The following TMCC1 variants were observed in gnomAD, a reference collection of about 807,000 sequenced individuals.
The protein encoded by TMCC1 is transmembrane and coiled-coil domains protein 1.
A neutral mutation model predicts 52.4 loss-of-function variants in TMCC1; 15 were observed. That is an observed-to-expected ratio of 0.29 (90% confidence interval 0.19 to 0.44). TMCC1 has a LOEUF of 0.44. TMCC1 is among the 20% of genes least tolerant of loss of function. The probability of loss-of-function intolerance (pLI) is 1.00; values close to 1 mark genes in which losing one functional copy is unlikely to be tolerated. For missense variants in TMCC1, 503 were observed against 806.0 expected, an observed-to-expected ratio of 0.62 and a Z score of 4.55; for synonymous variants, 279 against 301.9, an observed-to-expected ratio of 0.92 and a Z score of 0.79.
chr3:129,668,612 T>C (rs1341176733), intron 5 of TMCC1, among the ~76,000 whole-genome samples: 1 of 152,216 alleles, frequency 6.6e-6, no homozygotes. Flanking sequence ...GTCTTCTCAG[T>C]ATACTTAAGA....
chr3:129,737,232 T>C (rs2051048812), intron 4 of TMCC1, among the ~76,000 whole-genome samples: 1 of 152,056 alleles, frequency 6.6e-6, no homozygotes. Flanking sequence ...TTTGGGAGGC[T>C]GAGGTGGGCG....
chr3:129,688,621 T>A (rs1185474208), intron 4 of TMCC1: 1 of 985,492 alleles, frequency 1.0e-6, no homozygotes, highest in African/African-American at 1.7e-5. Flanking sequence ...CTTAGAGCTT[T>A]CTATATCTGG....
intron 4 of TMCC1, among the ~76,000 whole-genome samples, chr3:129,686,345 G>A (rs1370372024): frequency 1.3e-5 from 2 of 151,958 alleles, no homozygotes; most frequent in Non-Finnish European, 2.9e-5. Context: ...CAGGTGATTC[G>A]CCCGCCTCGG....
chr3:129,687,689 A>C (rs1390063483), intron 4 of TMCC1, among the ~76,000 whole-genome samples: 1 of 152,254 alleles, frequency 6.6e-6, no homozygotes, highest in Non-Finnish European at 1.5e-5. Flanking sequence ...GATATCAAAC[A>C]GCAATGACAA....
chr3:129,772,823 A>G (rs1033721383), intron 4 of TMCC1, among the ~76,000 whole-genome samples: 1 of 152,172 alleles, frequency 6.6e-6, no homozygotes, highest in Non-Finnish European at 1.5e-5. Context: ...GAGAGATATA[A>G]ATTAAAATTA....
intron 2 of TMCC1, among the ~76,000 whole-genome samples, chr3:129,862,965 A>G (rs888208083): frequency 7.2e-5 from 11 of 152,194 alleles, no homozygotes; most frequent in South Asian, 4.1e-4. Flanking sequence ...TATTTTCTAT[A>G]GCTAAGATGT....
At chr3:129,823,807 C>T (rs2058536205) in intron 4 of TMCC1, among the ~76,000 whole-genome samples, 1 of 152,168 alleles carries the variant, frequency 6.6e-6, no homozygotes, top group Non-Finnish European at 1.5e-5. Context: ...TCCTCCTCTA[C>T]TCCTAAGATT....
chr3:129,869,173 A>T (rs2060799486), intron 2 of TMCC1: 1 of 151,966 alleles, frequency 6.6e-6, no homozygotes, highest in Admixed American at 6.6e-5. Context: ...CCACTCCTCA[A>T]CCTTTGGGGA....
At chr3:129,813,998 G>C (rs1023275659) in intron 4 of TMCC1, among the ~76,000 whole-genome samples, 1 of 113,470 alleles carries the variant, frequency 8.8e-6, no homozygotes, top group East Asian at 2.8e-4. Context: ...TTTTTTTTTT[G>C]TATAATAAAG....
chr3:129,733,568 T>C (rs1032138667), intron 4 of TMCC1, among the ~76,000 whole-genome samples: 12 of 152,120 alleles, frequency 7.9e-5, no homozygotes, highest in African/African-American at 2.9e-4. Context: ...ATTAAGAGAA[T>C]CATTGGAGGA....
intron 4 of TMCC1, among the ~76,000 whole-genome samples, chr3:129,823,967 T>A (rs1283324524): frequency 3.9e-5 from 6 of 152,208 alleles, no homozygotes; most frequent in Non-Finnish European, 7.3e-5. Context: ...GAGTGAACTC[T>A]ACTTTCCATT....
At chr3:129,756,317 C>T (rs1489905613) in intron 4 of TMCC1, among the ~76,000 whole-genome samples, 2 of 152,096 alleles carry the variant, frequency 1.3e-5, no homozygotes, top group Non-Finnish European at 2.9e-5. Flanking sequence ...GAATAGGTAA[C>T]TGAACTGTAA....
Position 129,688,084 on chromosome 3 carries a change from CA to C in TMCC1, c.577-16821del, listed in dbSNP as rs1166864196. The stretch of plus-strand genomic sequence containing the variant: ...TCCTTTTCCATCAAACATGATTTTG[CA>C]AAATGTTTTAGTTATTGCTAAGAAG... On this transcript the variant is annotated intron_variant, in intron 4 of 6. Transcript: ENST00000393238. 9 of 944,784 alleles carry C rather than the reference CA, an allele frequency of 9.5e-6. No individual in the cohort carries two copies. The African/African-American group carries it at 1.6e-4, about 17-fold the overall frequency. 58.5% of individuals were successfully genotyped at this position (944,784 alleles called of 1,614,324 possible).
At chr3:129,851,563 G>A (rs901091386) in intron 2 of TMCC1, among the ~76,000 whole-genome samples, 2 of 152,174 alleles carry the variant, frequency 1.3e-5, no homozygotes, top group Non-Finnish European at 2.9e-5. Flanking sequence ...CATTAGGACG[G>A]CTACTATCAG....
At chr3:129,790,764 G>C (rs972701823) in intron 4 of TMCC1, among the ~76,000 whole-genome samples, 4 of 152,156 alleles carry the variant, frequency 2.6e-5, no homozygotes, top group African/African-American at 9.6e-5. Context: ...TTAAAAGACA[G>C]TGCAATTTAA....
chr3:129,670,914 T>C lies in TMCC1; in HGVS notation c.927A>G (p.Val309=), dbSNP rs1037633978. 1 of 1,614,222 alleles carries C rather than the reference T, an allele frequency of 6.2e-7. No homozygotes were observed. Among genetic ancestry groups the C allele is most frequent in the East Asian group, 2.2e-5 (1 of 44,882 alleles). ...LEHYHRKLRE[V]EQNGIPRQPK... The stretch of plus-strand genomic sequence containing the variant: ...GCTGCCGGGGGATCCCATTCTGCTC[T>C]ACCTCTCTGAGCTTCCTGTGGTAGT... Residue 309 remains valine, a synonymous_variant, in exon 5 of 7, where the codon GTA becomes GTG. Coordinates refer to ENST00000393238, the MANE Select transcript of TMCC1 (RefSeq NM_001017395.5).
At chr3:129,708,029 T>C (rs756380258) in intron 4 of TMCC1, among the ~76,000 whole-genome samples, 1 of 152,086 alleles carries the variant, frequency 6.6e-6, no homozygotes, top group Non-Finnish European at 1.5e-5. Flanking sequence ...AAAAAAGTCC[T>C]AATTAAAATT....
intron 4 of TMCC1, among the ~76,000 whole-genome samples, chr3:129,771,603 T>C (rs949599985): frequency 6.6e-6 from 1 of 151,478 alleles, no homozygotes; most frequent in Non-Finnish European, 1.5e-5. Context: ...GGTGAGACCC[T>C]GTCTCTACAA....
At chr3:129,654,640 G>A (rs968542313) in intron 6 of TMCC1, among the ~76,000 whole-genome samples, 18 of 152,146 alleles carry the variant, frequency 1.2e-4, no homozygotes, top group African/African-American at 4.3e-4. Context: ...CCCACAGAAG[G>A]AGAAGACAAG....
Sources: allele counts gnomAD v4.1 joint callset (sites outside exome capture counted in the v4.1 genomes callset), GRCh38; gene constraint gnomAD v4.1.1; transcripts MANE v1.5; gene names NCBI Gene and HGNC (gene_info 2026-07-23, HGNC 2026-07-21).